ASL: variants seen among roughly 807,000 people sequenced by gnomAD.
ASL encodes the protein argininosuccinase.
ASL carries 51 observed loss-of-function variants against 69.1 expected under a neutral mutation model. That is an observed-to-expected ratio of 0.74 (90% CI 0.59 to 0.93). The LOEUF is 0.93. Among genes scored for constraint, ASL ranks in the 40% least tolerant of loss-of-function variants. The pLI, the probability that ASL is intolerant of heterozygous loss-of-function variation, is 0.00. For missense variants in ASL, 540 were observed against 623.9 expected (o/e 0.87, Z 1.43); for synonymous variants, 241 against 247.6 (o/e 0.97, Z 0.25).
intron 14 of ASL, among the ~76,000 whole-genome samples, chr7:66,091,097 C>CAAAA (rs71051336): frequency 5.5e-5 from 4 of 73,376 alleles, no homozygotes; most frequent in Non-Finnish European, 8.1e-5. Flanking sequence ...GACTCCATCT[C>CAAAA]AAAAAAAAAA....
Position 66,089,112 on chromosome 7 carries a change from C to T in ASL, c.855C>T (p.Pro285=), listed in dbSNP as rs760378137. The T allele has an allele frequency of 6.2e-7, 1 of 1,613,980 alleles. No individual in the cohort carries two copies. The highest frequency in any genetic ancestry group is 2.2e-5 in the East Asian group (1 of 44,866). The part of the protein sequence containing the change: ...DAYSTGSSLM[P]QKKNPDSLEL... ...CCAGCACGGGAAGCAGCCTGATGCC[C>T]CAGAAGAAAAACCCCGACAGTTTGG... The change falls in exon 12 of 17, where the codon CCC becomes CCT. Residue 285 remains proline (P), a synonymous_variant. Transcript: ENST00000304874.
At chr7:66,084,453 C>T (rs530003261) in intron 6 of ASL, among the ~76,000 whole-genome samples, 3 of 151,958 alleles carry the variant, frequency 2.0e-5, no homozygotes, top group East Asian at 1.9e-4. Flanking sequence ...TAAGCCACTG[C>T]GCTCAGCTTA....
rs1000172311 is a variant in ASL, at chr7:66,093,093, G to A, written c.*181G>A. 1.0e-6 allele frequency: 1 copy of A among 963,528 alleles called. No individual in the cohort carries two copies. Among genetic ancestry groups the A allele is most frequent in the African/African-American group, 1.6e-5 (1 of 62,086 alleles). 59.7% of individuals were successfully genotyped at this position (963,528 alleles called of 1,614,324 possible). ...GCACTTTGGAAGGGCAAGGTGCGAG[G>A]ATGCTTGAGGCCAGGAGTTTGACAC... On this transcript the variant is annotated 3_prime_UTR_variant, in exon 17 of 17. Coordinates refer to ENST00000304874, the MANE Select transcript of ASL (RefSeq NM_000048.4).
At position 66,083,104 on chromosome 7, in the gene ASL, C is replaced by A. The variant is rs201962738; in HGVS notation, c.376C>A (p.Arg126=). Residue 126 remains arginine, a synonymous_variant, in exon 6 of 17, where the codon CGG becomes AGG. Coordinates refer to ENST00000304874, the MANE Select transcript of ASL (RefSeq NM_000048.4). ...QVVTDLRLWM[R]QTCSTLSGLL... ...GGTCACAGACCTCAGGCTGTGGATG[C>A]GGCAGACCTGCTCCACGCTCTCGGG... 5.6e-6 allele frequency: 9 copies of A among 1,613,736 alleles called. No individual in the cohort carries two copies. The highest frequency in any genetic ancestry group is 6.8e-6 in the Non-Finnish European group (8 of 1,179,984).
At chr7:66,090,431 G>A (rs1451084148) in intron 14 of ASL, among the ~76,000 whole-genome samples, 4 of 151,724 alleles carry the variant, frequency 2.6e-5, no homozygotes, top group South Asian at 2.1e-4. Flanking sequence ...GCGCCACCAC[G>A]CCTGGCTAAT....
intron 11 of ASL, 65 bp downstream of exon 11, chr7:66,088,986 C>A: frequency 6.2e-7 from 1 of 1,606,414 alleles, no homozygotes; most frequent in South Asian, 1.1e-5. Flanking sequence ...CGCCCGCGGA[C>A]GTGGCTGCCT....
chr7:66,086,436 G>C (rs1786663401), intron 6 of ASL, 149 bp from the exon 7 acceptor site: 1 of 858,678 alleles, frequency 1.2e-6, no homozygotes. Flanking sequence ...AGACTGATTT[G>C]TCCCTGGGAG....
intron 6 of ASL, among the ~76,000 whole-genome samples, chr7:66,085,355 G>A (rs764824920): frequency 2.0e-5 from 3 of 152,142 alleles, no homozygotes; most frequent in Non-Finnish European, 4.4e-5. Flanking sequence ...GTGGGCACCT[G>A]TAGTCCCAGC....
At chr7:66,081,112 A>G (rs1231270057) in intron 2 of ASL, among the ~76,000 whole-genome samples, 1 of 152,154 alleles carries the variant, frequency 6.6e-6, no homozygotes, top group Admixed American at 6.5e-5. Flanking sequence ...CAGTTTCCCC[A>G]TCTTCATAGT....
chr7:66,078,275 C>G (rs1449706787), intron 2 of ASL, among the ~76,000 whole-genome samples: 3 of 152,024 alleles, frequency 2.0e-5, no homozygotes, highest in Admixed American at 2.0e-4. Flanking sequence ...TGCTGGAGAT[C>G]TAGGCTTGGT....
chr7:66,080,755 T>C (rs1381924805), intron 2 of ASL, among the ~76,000 whole-genome samples: 1 of 152,092 alleles, frequency 6.6e-6, no homozygotes, highest in East Asian at 1.9e-4. Flanking sequence ...GATGCCTACA[T>C]ACCATTCCTC....
intron 14 of ASL, among the ~76,000 whole-genome samples, chr7:66,091,144 C>T (rs1786832668): frequency 6.6e-6 from 1 of 151,888 alleles, no homozygotes; most frequent in Non-Finnish European, 1.5e-5. Flanking sequence ...AGGCTAGTCC[C>T]CCAACTAGCA....
Position 66,088,918 on chromosome 7 carries a change from A to G in ASL, c.830A>G (p.Tyr277Cys). The change falls in exon 11 of 17, where the codon TAC (tyrosine) becomes TGC (cysteine). Residue 277 changes from tyrosine to cysteine, a missense_variant. Coordinates refer to ENST00000304874, the MANE Select transcript of ASL (RefSeq NM_000048.4). ...EFSFVQLSDA[Y>C]STGSSLMPQK... ...AGCTTCGTGCAGCTCTCAGATGCCTACAGGTAAGCCCTGAACTGCCACCTC... is the reference window on the plus strand; with the variant it reads ...AGCTTCGTGCAGCTCTCAGATGCCTGCAGGTAAGCCCTGAACTGCCACCTC... 6.2e-7 allele frequency: 1 copy of G among 1,613,714 alleles called. No homozygotes were observed. Among genetic ancestry groups the G allele is most frequent in the Non-Finnish European group, 8.5e-7 (1 of 1,179,862 alleles).
rs751872886 is a variant in ASL, at chr7:66,086,541, T to C, written c.447-44T>C. 4.5e-5 allele frequency: 72 copies of C among 1,606,470 alleles called. No homozygotes were observed. The East Asian group carries it at 1.5e-3, about 34-fold the overall frequency. On this transcript the variant is annotated intron_variant, in intron 6 of 16. Transcript: ENST00000304874. ...AGGGTTCCAGTGTCACAGGCAGGCC[T>C]TGCATGAGCCTCCACCCGAGCTTCT...
chr7:66,080,102 G>A (rs921634204), intron 2 of ASL, among the ~76,000 whole-genome samples: 1 of 151,748 alleles, frequency 6.6e-6, no homozygotes, highest in South Asian at 2.1e-4. Context: ...GAATTTAAAG[G>A]CCGGGTGTGG....
Position 66,088,900 on chromosome 7 carries a change from T to C in ASL, c.812T>C (p.Val271Ala). ...TACTGCACCAAGGAATTCAGCTTCG[T>C]GCAGCTCTCAGATGCCTACAGGTAA... ...ILYCTKEFSF[V>A]QLSDAYSTGS... is the part of the protein sequence containing the mutation. Residue 271 changes from valine to alanine, a missense_variant, in exon 11 of 17, where the codon GTG becomes GCG. Physicochemically the swap from Val to Ala is moderately conservative, Grantham distance 64. Coordinates refer to ENST00000304874, the MANE Select transcript of ASL (RefSeq NM_000048.4). 1 of 1,613,998 alleles carries C rather than the reference T, an allele frequency of 6.2e-7. No individual in the cohort carries two copies. Among genetic ancestry groups the C allele is most frequent in the Non-Finnish European group, 8.5e-7 (1 of 1,179,984 alleles).
At chr7:66,077,507 T>C (rs986530540) in intron 2 of ASL, among the ~76,000 whole-genome samples, 2 of 152,094 alleles carry the variant, frequency 1.3e-5, no homozygotes, top group African/African-American at 4.8e-5. Flanking sequence ...GGTGGGCAGA[T>C]CACCTGAGGT....
At chr7:66,092,699 G>A (rs1255297730) in intron 16 of ASL, 36 bp downstream of exon 16, 4 of 1,613,660 alleles carry the variant, frequency 2.5e-6, no homozygotes, top group Non-Finnish European at 3.4e-6. Context: ...TGCCTCCTAG[G>A]AAGTGAGCCT....
chr7:66,079,089 GT>G (rs1286882511), intron 2 of ASL, among the ~76,000 whole-genome samples: 1 of 151,764 alleles, frequency 6.6e-6, no homozygotes, highest in African/African-American at 2.4e-5. Flanking sequence ...ATTTTTTTGT[GT>G]GTGTTTTCAG....
Sources: gnomAD v4.1 joint callset for allele counts (sites outside exome capture counted in the v4.1 genomes callset) on GRCh38, gnomAD v4.1.1 for gene constraint, MANE v1.5 for transcripts, NCBI Gene and HGNC (gene_info 2026-07-23, HGNC 2026-07-21) for gene names.